Variants in DPYSL5 observed in about 807,000 individuals in gnomAD.
DPYSL5 encodes dihydropyrimidinase like 5.
Under a neutral mutation model 58.4 loss-of-function variants are expected in DPYSL5, and 9 were observed. The observed-to-expected ratio is 0.15, with a 90% CI of 0.09 to 0.27. The LOEUF (loss-of-function observed/expected upper bound fraction) is 0.27. Ranked by LOEUF, DPYSL5 falls within the 10% of genes least tolerant of loss-of-function variation. The pLI is 1.00. For synonymous variants in DPYSL5, 293 were observed against 301.9 expected, an observed-to-expected ratio of 0.97 and a Z score of 0.31; for missense variants, 499 against 770.6, an observed-to-expected ratio of 0.65 and a Z score of 4.17.
Position 26,947,352 on chromosome 2 carries a change from C to T in DPYSL5, c.*357C>T, listed in dbSNP as rs954510839. ...TTGGGAAAGCCCAGACTTTAGTGCC[C>T]TGCCCCCTGGCTGACTGGCCAGTTG... is the stretch of plus-strand genomic sequence containing the variant. On this transcript the variant is annotated 3_prime_UTR_variant, in exon 13 of 13. Transcript: ENST00000288699. This position sits in a 1 kb window ranked among gnomAD's most constrained non-coding sequence, Gnocchi z 4.2. 3 of 193,338 alleles carry T rather than the reference C, an allele frequency of 1.6e-5. No individual in the cohort carries two copies. The highest frequency in any genetic ancestry group is 1.3e-4 in the East Asian group (1 of 7,664). 12.0% of individuals were successfully genotyped at this position (193,338 alleles called of 1,614,324 possible). A position where few individuals can be genotyped will look rare whatever the true frequency, so the allele number is the denominator to read the frequency against.
chr2:26,894,703 T>TC (rs933391997), intron 1 of DPYSL5, among the ~76,000 whole-genome samples: 2 of 152,178 alleles, frequency 1.3e-5, no homozygotes, highest in African/African-American at 4.8e-5. Flanking sequence ...ATTGATACTT[T>TC]CCCTCAGCCA....
intron 1 of DPYSL5, among the ~76,000 whole-genome samples, chr2:26,869,968 G>A (rs1414653953): frequency 6.6e-6 from 1 of 152,132 alleles, no homozygotes; most frequent in African/African-American, 2.4e-5. Context: ...CTGAGATCGC[G>A]CCACTGCACT....
chr2:26,918,135 CAAAAAAAAA>C (rs71401540), intron 2 of DPYSL5, among the ~76,000 whole-genome samples: 6 of 54,076 alleles, frequency 1.1e-4, no homozygotes, highest in Admixed American at 2.5e-4. Flanking sequence ...GAGTCTGTCT[CAAAAAAAAA>C]AAAAAAAAAA....
At chr2:26,897,518 G>T (rs914899821) in intron 1 of DPYSL5, among the ~76,000 whole-genome samples, 1 of 152,174 alleles carries the variant, frequency 6.6e-6, no homozygotes, top group African/African-American at 2.4e-5. Context: ...CCCCATTTGT[G>T]TGGTGTCTAA....
At chr2:26,855,645 A>G (rs1665861320) in intron 1 of DPYSL5, among the ~76,000 whole-genome samples, 1 of 152,082 alleles carries the variant, frequency 6.6e-6, no homozygotes, top group South Asian at 2.1e-4. Flanking sequence ...AGTGCCCGGT[A>G]CTCAATCACA....
chr2:26,913,376 G>A (rs1664488223), intron 2 of DPYSL5, among the ~76,000 whole-genome samples: 1 of 152,152 alleles, frequency 6.6e-6, no homozygotes, highest in African/African-American at 2.4e-5. Context: ...GTTGTTTTGT[G>A]ACTGGATTGT....
At chr2:26,928,083 G>A (rs72851857) in intron 4 of DPYSL5, among the ~76,000 whole-genome samples, 172 bp from the exon 5 acceptor site, 4,959 of 152,270 alleles carry the variant, frequency 0.033, 237 homozygotes, top group African/African-American at 0.11. Flanking sequence ...CTGCATGGGC[G>A]GCCTGTGCAT....
chr2:26,879,830 C>A (rs1663511109), intron 1 of DPYSL5, among the ~76,000 whole-genome samples: 1 of 152,158 alleles, frequency 6.6e-6, no homozygotes, highest in Non-Finnish European at 1.5e-5. Context: ...ACAGCTAGTC[C>A]CTGCCTAGAC....
At chr2:26,879,750 G>A (rs1411883124) in intron 1 of DPYSL5, among the ~76,000 whole-genome samples, 4 of 151,340 alleles carry the variant, frequency 2.6e-5, no homozygotes, top group Non-Finnish European at 5.9e-5. Flanking sequence ...CTGATCTAAA[G>A]GATTCCTAGA....
intron 1 of DPYSL5, among the ~76,000 whole-genome samples, chr2:26,861,775 C>A (rs1289739527): frequency 6.6e-6 from 1 of 152,204 alleles, no homozygotes; most frequent in South Asian, 2.1e-4. Flanking sequence ...GGTGTTCACA[C>A]TCTTATGTAA....
chr2:26,875,888 T>A (rs1663398093), intron 1 of DPYSL5, among the ~76,000 whole-genome samples: 1 of 152,218 alleles, frequency 6.6e-6, no homozygotes, highest in Non-Finnish European at 1.5e-5. Flanking sequence ...GCATTCCAGA[T>A]GAATTAGACG....
rs374479429 is a variant in DPYSL5 at position 26,925,097 on chromosome 2, G to C, written c.420+52G>C. 8.9e-5 allele frequency: 142 copies of C among 1,593,488 alleles called. No homozygotes were observed. In the African/African-American group the frequency reaches 1.6e-3, roughly 18 times the overall value. On this transcript the variant is annotated intron_variant, in intron 3 of 12. Coordinates refer to ENST00000288699, the MANE Select transcript of DPYSL5 (RefSeq NM_020134.4). The surrounding 1 kb of genome is among the most constrained non-coding windows in gnomAD (Gnocchi z 4.5). Reference sequence around the variant, plus strand: ...GAAGGCACAAGTGGTCTTGTAGGCAGAGGGGCTGGTTGGGGTGCAGTGCCT... The same window carrying C: ...GAAGGCACAAGTGGTCTTGTAGGCACAGGGGCTGGTTGGGGTGCAGTGCCT...
chr2:26,853,577 A>C (rs749965377), intron 1 of DPYSL5, among the ~76,000 whole-genome samples: 2 of 152,170 alleles, frequency 1.3e-5, no homozygotes, highest in African/African-American at 2.4e-5. Flanking sequence ...GGATAACTGG[A>C]GTTCTCCAGA....
At position 26,931,203 on chromosome 2, in the gene DPYSL5, G is replaced by GTATATATATATATA. The variant is rs373034710; in HGVS notation, c.670-423_670-410dup. Among the ~76,000 whole-genome samples, 134 of 44,914 alleles carry GTATATATATATATA rather than the reference G, an allele frequency of 3.0e-3. 6 individuals carry two copies. The highest frequency in any genetic ancestry group is 0.019 in the Middle Eastern group (1 of 54). 29.5% of individuals were successfully genotyped at this position (44,914 alleles called of 152,430 possible). The stretch of plus-strand genomic sequence containing the variant: ...TGTGTGTGTGTGTGTGTGTGTGTGT[G>GTATATATATATATA]TATATATATATATATATATATATAT... On this transcript the variant is annotated intron_variant, in intron 5 of 12. Coordinates refer to ENST00000288699, the MANE Select transcript of DPYSL5 (RefSeq NM_020134.4).
chr2:26,926,947 G>T (rs1664841968), intron 3 of DPYSL5, among the ~76,000 whole-genome samples: 1 of 152,208 alleles, frequency 6.6e-6, no homozygotes, highest in Non-Finnish European at 1.5e-5. Flanking sequence ...TTACCATTAA[G>T]GCTGGTTTGG....
intron 2 of DPYSL5, among the ~76,000 whole-genome samples, chr2:26,903,268 C>T (rs902726332): frequency 6.6e-6 from 1 of 152,096 alleles, no homozygotes; most frequent in African/African-American, 2.4e-5. Flanking sequence ...AATGGGGTTT[C>T]GCTATGTTGA....
chr2:26,946,420 T>G (rs561068609), intron 12 of DPYSL5, among the ~76,000 whole-genome samples: 15 of 152,180 alleles, frequency 9.9e-5, no homozygotes, highest in South Asian at 4.1e-4. Context: ...TTTTGTTTTT[T>G]TTTTTCAATC....
intron 1 of DPYSL5, among the ~76,000 whole-genome samples, chr2:26,862,274 C>T (rs1211647896): frequency 2.6e-5 from 4 of 152,208 alleles, no homozygotes; most frequent in Non-Finnish European, 2.9e-5. Context: ...TGGCACTTGG[C>T]GCAAGGCCCC....
chr2:26,909,494 C>T (rs923963857), intron 2 of DPYSL5, among the ~76,000 whole-genome samples: 2 of 152,040 alleles, frequency 1.3e-5, no homozygotes, highest in Non-Finnish European at 2.9e-5. Context: ...CTCAGTGGCT[C>T]GGTGGCTCAC....
Sources: gnomAD v4.1 joint callset for allele counts (sites outside exome capture counted in the v4.1 genomes callset) on GRCh38, gnomAD v4.1.1 for gene constraint, Gnocchi (gnomAD v3.1) non-coding constraint, MANE v1.5 for transcripts, NCBI Gene and HGNC (gene_info 2026-07-23, HGNC 2026-07-21) for gene names.